SGPL1: variants seen among roughly 807,000 people sequenced by gnomAD.
The protein encoded by SGPL1 is sphingosine-1-phosphate lyase 1, also known as SP-lyase 1.
Under a neutral mutation model 68.9 loss-of-function variants are expected in SGPL1, and 37 were observed. That is an observed-to-expected ratio of 0.54 (90% CI 0.41 to 0.71). SGPL1 has a LOEUF of 0.71. SGPL1 is among the 30% of genes least tolerant of loss of function. SGPL1 has a pLI of 0.00. For synonymous variants in SGPL1, 236 were observed against 248.5 expected (o/e 0.95, Z 0.47); for missense variants, 551 against 704.6 (o/e 0.78, Z 2.47).
rs930391927 is a variant in SGPL1, at chr10:70,879,117, T to C, written c.*1782T>C. 6.5e-6 allele frequency: 1 copy of C among 152,934 alleles called. No individual in the cohort carries two copies. The highest frequency in any genetic ancestry group is 3.4e-3 in the Middle Eastern group (1 of 296). The allele number at this position is 152,934 out of a possible 1,614,324, so 9.5% of individuals were successfully genotyped here. ...AATGGATCAGTCTTTGAGGTTTCTA[T>C]TTGGGGAGGGGAGTACTTAAGATGA... On this transcript the variant is annotated 3_prime_UTR_variant, in exon 15 of 15. Transcript: ENST00000373202.
At chr10:70,840,069 T>G (rs955712798) in intron 2 of SGPL1, among the ~76,000 whole-genome samples, 3 of 152,152 alleles carry the variant, frequency 2.0e-5, no homozygotes, top group African/African-American at 7.2e-5. Context: ...ATGTTATACA[T>G]GGTACCATGT....
intron 2 of SGPL1, among the ~76,000 whole-genome samples, chr10:70,818,341 A>G (rs1197856223): frequency 6.6e-6 from 1 of 152,156 alleles, no homozygotes; most frequent in Non-Finnish European, 1.5e-5. Flanking sequence ...GCTGGTCTCA[A>G]ACTCCTAACC....
chr10:70,871,773 C>T, intron 10 of SGPL1, 64 bp from the exon 11 acceptor site: 2 of 1,493,776 alleles, frequency 1.3e-6, no homozygotes, highest in East Asian at 2.3e-5. Context: ...CCACCCATGT[C>T]TTGCAGTTTT....
intron 2 of SGPL1, among the ~76,000 whole-genome samples, chr10:70,826,209 A>G (rs998561907): frequency 3.9e-5 from 6 of 152,026 alleles, no homozygotes; most frequent in Non-Finnish European, 8.8e-5. Context: ...AGTACAATAC[A>G]ATACAACACA....
At chr10:70,819,465 C>T (rs78487324) in intron 2 of SGPL1, among the ~76,000 whole-genome samples, 1,900 of 152,234 alleles carry the variant, frequency 0.012, 18 homozygotes, top group Admixed American at 0.026. Flanking sequence ...GGCACACTAA[C>T]CCATCATTCT....
intron 11 of SGPL1, among the ~76,000 whole-genome samples, chr10:70,873,117 G>A (rs189105693): frequency 3.9e-5 from 6 of 152,262 alleles, no homozygotes; most frequent in East Asian, 3.9e-4. Context: ...TTAACTGGGC[G>A]CTGTTCTTCC....
intron 2 of SGPL1, among the ~76,000 whole-genome samples, chr10:70,818,316 C>T (rs151231654): frequency 7.9e-5 from 12 of 152,202 alleles, no homozygotes; most frequent in Admixed American, 2.0e-4. Context: ...GATGGGGTTT[C>T]GCCGTGTTAG....
chr10:70,873,662 G>A, intron 12 of SGPL1, 73 bp downstream of exon 12: 2 of 1,131,124 alleles, frequency 1.8e-6, no homozygotes, highest in Non-Finnish European at 2.7e-6. Flanking sequence ...CACCTGCCTG[G>A]CTAAGTATCC....
chr10:70,868,322 A>G (rs1846231457), intron 7 of SGPL1, 23 bp from the exon 8 acceptor site: 1 of 1,560,280 alleles, frequency 6.4e-7, no homozygotes, highest in African/African-American at 1.4e-5. Flanking sequence ...CCCCCAACAG[A>G]TGGCATCTCT....
chr10:70,839,899 T>TA (rs891155753), intron 2 of SGPL1, among the ~76,000 whole-genome samples: 6 of 148,840 alleles, frequency 4.0e-5, no homozygotes, highest in Non-Finnish European at 7.4e-5. Flanking sequence ...CTGATGAGCT[T>TA]AAAAAAAAAT....
Position 70,873,417 on chromosome 10 carries a change from T to C in SGPL1, c.1126T>C (p.Phe376Leu). The change falls in exon 12 of 15, where the codon TTC (phenylalanine) becomes CTC (leucine). Residue 376 changes from phenylalanine (F) to leucine (L), a missense_variant. Physicochemically the swap from Phe to Leu is conservative, Grantham distance 22 (BLOSUM62 0). Transcript: ENST00000373202. ...YSDKKYRNYQ[F>L]FVDTDWQGGI... ...TGACAAGAAGTACAGGAACTATCAG[T>C]TCTTCGTCGATACAGATTGGCAGGG... 1 of 1,614,266 alleles carries C rather than the reference T, an allele frequency of 6.2e-7. No homozygotes were observed. The highest frequency in any genetic ancestry group is 1.1e-5 in the South Asian group (1 of 91,090).
chr10:70,822,583 A>G (rs111934398), intron 2 of SGPL1, among the ~76,000 whole-genome samples: 2 of 152,298 alleles, frequency 1.3e-5, no homozygotes, highest in African/African-American at 4.8e-5. Flanking sequence ...TGAGATAAAA[A>G]CCATGCTGTG....
At chr10:70,832,032 T>C (rs564854949) in intron 2 of SGPL1, among the ~76,000 whole-genome samples, 1 of 152,314 alleles carries the variant, frequency 6.6e-6, no homozygotes, top group Non-Finnish European at 1.5e-5. Flanking sequence ...TAACAAGGGC[T>C]ATGGGGGTTA....
At chr10:70,843,681 G>A (rs10999564) in intron 2 of SGPL1, among the ~76,000 whole-genome samples, 1,690 of 152,328 alleles carry the variant, frequency 0.011, 17 homozygotes, top group Non-Finnish European at 0.019. Flanking sequence ...CGTACCAGGT[G>A]TTGTGAGGAA....
In SGPL1 at chr10:70,875,509, C is replaced by T. The variant is rs770625811; in HGVS notation, c.1406C>T (p.Ala469Val). The change falls in exon 13 of 15, where the codon GCT (alanine) becomes GTT (valine). Residue 469 changes from alanine (A) to valine (V), a missense_variant. Physicochemically the swap from Ala to Val is moderately conservative, Grantham distance 64. Coordinates refer to ENST00000373202, the MANE Select transcript of SGPL1 (RefSeq NM_003901.4). ...DIYRLSNLMT[A>V]KGWNLNQLQF... is the part of the protein sequence containing the mutation. Reference sequence around the variant, plus strand: ...TACCGACTATCAAACCTGATGACTGCTAAGGGGTGGAACTTGAACCAGTTG... The same window carrying T: ...TACCGACTATCAAACCTGATGACTGTTAAGGGGTGGAACTTGAACCAGTTG... 6.2e-7 allele frequency: 1 copy of T among 1,613,250 alleles called. No homozygotes were observed. Among genetic ancestry groups the T allele is most frequent in the Non-Finnish European group, 8.5e-7 (1 of 1,179,420 alleles).
intron 2 of SGPL1, among the ~76,000 whole-genome samples, chr10:70,829,474 G>A (rs945158352): frequency 1.3e-5 from 2 of 152,094 alleles, no homozygotes; most frequent in African/African-American, 4.8e-5. Context: ...GATAATTCAG[G>A]TTCACTGAAT....
Position 70,875,412 on chromosome 10 carries a change from A to T in SGPL1, c.1309A>T (p.Ile437Phe). ...TTTTTTTGTTTTAAGACTGGAAAATATCAAAGGCATCTTTGTTTTTGGGAA... is the reference window on the plus strand; with the variant it reads ...TTTTTTTGTTTTAAGACTGGAAAATTTCAAAGGCATCTTTGTTTTTGGGAA... ...ARFLKSELEN[I>F]KGIFVFGNPQ... The change falls in exon 13 of 15, where the codon ATC (isoleucine) becomes TTC (phenylalanine). Residue 437 changes from isoleucine to phenylalanine, a missense_variant. By Grantham distance (21) the Ile-to-Phe change is conservative. Transcript: ENST00000373202. 1 of 1,609,740 alleles carries T rather than the reference A, an allele frequency of 6.2e-7. No homozygotes were observed. Among genetic ancestry groups the T allele is most frequent in the South Asian group, 1.1e-5 (1 of 90,736 alleles).
intron 2 of SGPL1, among the ~76,000 whole-genome samples, chr10:70,843,147 A>G (rs1190881319): frequency 6.6e-6 from 1 of 152,020 alleles, no homozygotes; most frequent in Non-Finnish European, 1.5e-5. Context: ...CATTATCTTT[A>G]TCCCTTCAGA....
intron 2 of SGPL1, among the ~76,000 whole-genome samples, chr10:70,824,640 A>T (rs1336222680): frequency 6.6e-6 from 1 of 152,242 alleles, no homozygotes; most frequent in Admixed American, 6.5e-5. Context: ...GCCTAAATTT[A>T]GAATATTGTA....
Sources: gnomAD v4.1 joint callset for allele counts (sites outside exome capture counted in the v4.1 genomes callset) on GRCh38, gnomAD v4.1.1 for gene constraint, MANE v1.5 for transcripts, NCBI Gene and HGNC (gene_info 2026-07-23, HGNC 2026-07-21) for gene names.